Variants in SDK1 observed in about 807,000 individuals in gnomAD.
SDK1 encodes sidekick cell adhesion molecule 1.
Under a neutral mutation model 245.5 loss-of-function variants are expected in SDK1, and 157 were observed. The ratio of observed to expected loss-of-function variants is 0.64; its 90% CI spans 0.56 to 0.73. The LOEUF (loss-of-function observed/expected upper bound fraction) is 0.73, where lower values mean the gene tolerates loss of function less well. SDK1 is among the 30% of genes least tolerant of loss of function. SDK1 has a pLI of 0.00. For missense variants in SDK1, 3,583 were observed against 3,002.3 expected, an observed-to-expected ratio of 1.19 and a Z score of -4.52; for synonymous variants, 1,647 against 1,278.5, an observed-to-expected ratio of 1.29 and a Z score of -6.15.
chr7:3,749,905 C>T (rs953884007), intron 4 of SDK1, among the ~76,000 whole-genome samples: 1 of 152,180 alleles, frequency 6.6e-6, no homozygotes, highest in Admixed American at 6.5e-5. Flanking sequence ...AACAAAATCT[C>T]ACCTTTCCCA....
intron 4 of SDK1, among the ~76,000 whole-genome samples, chr7:3,777,346 C>G (rs10231172): frequency 6.6e-6 from 1 of 152,180 alleles, no homozygotes. Context: ...CAAATAGTTG[C>G]ATGTTTGAGG....
intron 1 of SDK1, among the ~76,000 whole-genome samples, chr7:3,350,958 C>A (rs558414695): frequency 6.6e-6 from 1 of 152,282 alleles, no homozygotes; most frequent in East Asian, 1.9e-4. Context: ...AGGGTAAACA[C>A]AATTAGTGAC....
chr7:4,174,814 G>T (rs542362829), intron 33 of SDK1, among the ~76,000 whole-genome samples: 1 of 152,252 alleles, frequency 6.6e-6, no homozygotes, highest in South Asian at 2.1e-4. Context: ...CGCCATGATC[G>T]TTGCTCTGAC....
intron 1 of SDK1, among the ~76,000 whole-genome samples, chr7:3,381,987 T>G (rs756172926): frequency 7.2e-5 from 11 of 152,220 alleles, no homozygotes; most frequent in Admixed American, 6.5e-5. Flanking sequence ...ACCGTTCGTC[T>G]TAAAGTAATT....
chr7:4,208,150 C>G lies in SDK1; in HGVS notation c.5266C>G (p.Leu1756Val), dbSNP rs902633319. ...GAACGAAACGGAGAAAATGAAGGTC[C>G]TCTTCCTCCCCGAGCCCGTGGTGAG... ...SQNETEKMKVLFLPEPVVRLK... is the reference protein window; with the variant it reads ...SQNETEKMKVVFLPEPVVRLK... The change falls in exon 37 of 45, where the codon CTC becomes GTC. Residue 1756 changes from leucine to valine, a missense_variant. By Grantham distance (32) the Leu-to-Val change is conservative. Transcript: ENST00000404826. The G allele has an allele frequency of 1.9e-6, 3 of 1,613,934 alleles. No individual in the cohort carries two copies. In the South Asian group the frequency reaches 3.3e-5, roughly 18 times the overall value.
chr7:3,534,531 T>A (rs1045804119), intron 1 of SDK1, among the ~76,000 whole-genome samples: 7 of 152,204 alleles, frequency 4.6e-5, no homozygotes, highest in African/African-American at 1.4e-4. Context: ...TTTCTCCACA[T>A]CCTCCCCAGC....
At chr7:3,335,774 A>G (rs556608048) in intron 1 of SDK1, among the ~76,000 whole-genome samples, 10 of 91,756 alleles carry the variant, frequency 1.1e-4, no homozygotes, top group African/African-American at 6.5e-4. Flanking sequence ...AAAAGTAGAA[A>G]CTGCAAGATA....
chr7:4,192,468 G>T (rs1474146608), intron 35 of SDK1, among the ~76,000 whole-genome samples: 1 of 152,098 alleles, frequency 6.6e-6, no homozygotes, highest in East Asian at 1.9e-4. Context: ...GTAGAGACAG[G>T]GTTTCACTGT....
chr7:3,639,868 G>T (rs1031646175), intron 3 of SDK1, among the ~76,000 whole-genome samples: 1 of 151,728 alleles, frequency 6.6e-6, no homozygotes, highest in Non-Finnish European at 1.5e-5. Context: ...ATATATGTTT[G>T]AGATAGGGTC....
At chr7:3,356,202 G>T (rs1490278491) in intron 1 of SDK1, among the ~76,000 whole-genome samples, 1 of 152,128 alleles carries the variant, frequency 6.6e-6, no homozygotes, top group East Asian at 1.9e-4. Context: ...AATTGAGACA[G>T]TGCTTGCCCT....
chr7:3,709,136 A>G (rs932195285), intron 4 of SDK1, among the ~76,000 whole-genome samples: 1 of 152,234 alleles, frequency 6.6e-6, no homozygotes, highest in Non-Finnish European at 1.5e-5. Flanking sequence ...CTGGCCTGGT[A>G]GTGACAAATT....
chr7:3,571,356 G>T (rs760485152), intron 1 of SDK1, among the ~76,000 whole-genome samples: 3 of 151,932 alleles, frequency 2.0e-5, no homozygotes, highest in Non-Finnish European at 4.4e-5. Context: ...ACGTGGGGGT[G>T]CAGTGGCACA....
chr7:3,498,286 G>T (rs372267505), intron 1 of SDK1, among the ~76,000 whole-genome samples: 1 of 152,214 alleles, frequency 6.6e-6, no homozygotes, highest in South Asian at 2.1e-4. Context: ...CTTAGATTTT[G>T]CTAGAGTTTA....
chr7:4,010,948 T>C lies in SDK1; in HGVS notation c.2132-18T>C, dbSNP rs890925328. The C allele has an allele frequency of 4.3e-6, 7 of 1,613,722 alleles. No individual in the cohort carries two copies. In the African/African-American group the frequency reaches 5.3e-5, roughly 12 times the overall value. ...TGATAAGCCTGTGGGCTTGAATTCG[T>C]TTTCTTCATTCTTTCAGACTCTCCA... is the stretch of plus-strand genomic sequence containing the variant. On this transcript the variant is annotated intron_variant, in intron 14 of 44. Coordinates refer to ENST00000404826, the MANE Select transcript of SDK1 (RefSeq NM_152744.4).
At chr7:3,669,857 A>T (rs1357417128) in intron 4 of SDK1, among the ~76,000 whole-genome samples, 1 of 152,008 alleles carries the variant, frequency 6.6e-6, no homozygotes, top group Non-Finnish European at 1.5e-5. Flanking sequence ...TGAAAACAGA[A>T]CTCTTTTTTC....
chr7:3,611,307 A>C (rs899322450), intron 1 of SDK1, among the ~76,000 whole-genome samples: 1 of 152,172 alleles, frequency 6.6e-6, no homozygotes, highest in Non-Finnish European at 1.5e-5. Flanking sequence ...GGAGAATTAC[A>C]TAGTTTGGGA....
rs560416104 is a variant in SDK1, at chr7:3,622,297, A to G, written c.458+3058A>G. Among the ~76,000 whole-genome samples the G allele has an allele frequency of 3.3e-5, 5 of 152,296 alleles. No individual in the cohort carries two copies. In the East Asian group the frequency reaches 7.7e-4, roughly 24 times the overall value. Reference sequence around the variant, plus strand: ...GTTCGACACCACCAGCCTGGCAAACATGGTGAAACCCCATCTCTACTAAAA... The same window carrying G: ...GTTCGACACCACCAGCCTGGCAAACGTGGTGAAACCCCATCTCTACTAAAA... On this transcript the variant is annotated intron_variant, in intron 2 of 44. Transcript: ENST00000404826.
At chr7:4,135,038 T>C (rs934000987) in intron 28 of SDK1, among the ~76,000 whole-genome samples, 1 of 152,208 alleles carries the variant, frequency 6.6e-6, no homozygotes, top group South Asian at 2.1e-4. Flanking sequence ...CCTGCACGTG[T>C]CTACCTGGTG....
At chr7:4,132,579 T>G in intron 28 of SDK1, 156 bp downstream of exon 28, 1 of 567,684 alleles carries the variant, frequency 1.8e-6, no homozygotes, top group Non-Finnish European at 3.3e-6. Context: ...TTCAGACTAT[T>G]AGCCGGGCAT....
Sources: allele counts gnomAD v4.1 joint callset (sites outside exome capture counted in the v4.1 genomes callset), GRCh38; gene constraint gnomAD v4.1.1; transcripts MANE v1.5; gene names NCBI Gene and HGNC (gene_info 2026-07-23, HGNC 2026-07-21).